PRKN: variants seen among roughly 807,000 people sequenced by gnomAD.
The protein encoded by PRKN is parkin RBR E3 ubiquitin protein ligase.
PRKN carries 56 observed loss-of-function variants against 59.5 expected under a neutral mutation model. That is an observed-to-expected ratio of 0.94 (90% CI 0.76 to 1.18). The LOEUF is 1.18. Among genes scored for constraint, PRKN ranks in the 50% most tolerant of loss-of-function variants. PRKN has a pLI of 0.00. For missense variants in PRKN, 657 were observed against 596.4 expected (o/e 1.10, Z -1.06); for synonymous variants, 250 against 222.1 (o/e 1.13, Z -1.12).
intron 4 of PRKN, among the ~76,000 whole-genome samples, chr6:162,184,060 A>AT (rs1347001234): frequency 6.6e-6 from 1 of 152,046 alleles, no homozygotes; most frequent in African/African-American, 2.4e-5. Context: ...TGACTATTTA[A>AT]TTTTCTTTAA....
intron 6 of PRKN, among the ~76,000 whole-genome samples, chr6:161,942,870 G>A: frequency 6.6e-6 from 1 of 152,294 alleles, no homozygotes; most frequent in East Asian, 1.9e-4. Flanking sequence ...AAAATAGCTG[G>A]AGTATCCAAC....
At chr6:162,297,310 G>C (rs1233002216) in intron 2 of PRKN, among the ~76,000 whole-genome samples, 1 of 151,794 alleles carries the variant, frequency 6.6e-6, no homozygotes, top group Non-Finnish European at 1.5e-5. Flanking sequence ...TTCATCAATG[G>C]CATCCGTTAC....
intron 6 of PRKN, among the ~76,000 whole-genome samples, chr6:161,793,368 C>G (rs1454916293): frequency 2.0e-5 from 3 of 152,094 alleles, no homozygotes; most frequent in Admixed American, 1.3e-4. Context: ...TTTATCCAGT[C>G]CACTCTGCTG....
chr6:161,779,206 C>G (rs1016950240), intron 7 of PRKN, among the ~76,000 whole-genome samples: 2 of 151,932 alleles, frequency 1.3e-5, no homozygotes, highest in Non-Finnish European at 2.9e-5. Flanking sequence ...TCCCAAAGTG[C>G]TGGGATTATA....
At chr6:162,520,229 T>C (rs1225905977) in intron 1 of PRKN, among the ~76,000 whole-genome samples, 1 of 152,232 alleles carries the variant, frequency 6.6e-6, no homozygotes, top group Non-Finnish European at 1.5e-5. Flanking sequence ...TATGGTACAC[T>C]TCACTGGCTA....
intron 9 of PRKN, among the ~76,000 whole-genome samples, chr6:161,406,386 C>T (rs1282529764): frequency 2.6e-5 from 4 of 151,996 alleles, no homozygotes; most frequent in Non-Finnish European, 5.9e-5. Context: ...CTCAAATCCA[C>T]CAAAAACGTA....
chr6:162,072,317 T>G (rs1438202473), intron 4 of PRKN, among the ~76,000 whole-genome samples: 1 of 152,050 alleles, frequency 6.6e-6, no homozygotes, highest in East Asian at 1.9e-4. Flanking sequence ...CAATTAATAC[T>G]GAGACTCTTT....
intron 1 of PRKN, among the ~76,000 whole-genome samples, chr6:162,725,623 C>A (rs1414685455): frequency 6.6e-6 from 1 of 151,960 alleles, no homozygotes; most frequent in East Asian, 1.9e-4. Context: ...AATTGGCAGG[C>A]ATGGTGGCAC....
chr6:162,661,813 C>G (rs1778893579), intron 1 of PRKN, among the ~76,000 whole-genome samples: 1 of 152,092 alleles, frequency 6.6e-6, no homozygotes. Context: ...ATAATTTTTT[C>G]TTTTAAAATT....
intron 2 of PRKN, among the ~76,000 whole-genome samples, chr6:162,304,084 G>A (rs1323055078): frequency 1.4e-5 from 2 of 147,350 alleles, no homozygotes. Flanking sequence ...TGTGAAGGGA[G>A]AAAAAAAAAG....
chr6:162,282,686 G>A lies in PRKN; in HGVS notation c.172-19921C>T, dbSNP rs994072531. Reference sequence around the variant, plus strand: ...AACTCTAGAAGTACACGGAAAAGAAGGCGGTCTATTTTTTAAATAAAATCA... The same window carrying A: ...AACTCTAGAAGTACACGGAAAAGAAAGCGGTCTATTTTTTAAATAAAATCA... On this transcript the variant is annotated intron_variant, in intron 2 of 11. Transcript: ENST00000366898. Among the ~76,000 whole-genome samples, 12 of 152,164 alleles carry A rather than the reference G, an allele frequency of 7.9e-5. No individual in the cohort carries two copies. In the South Asian group the frequency reaches 1.7e-3, roughly 21 times the overall value.
intron 3 of PRKN, among the ~76,000 whole-genome samples, chr6:162,260,109 A>G (rs1249831074): frequency 1.3e-5 from 2 of 152,136 alleles, no homozygotes; most frequent in African/African-American, 4.8e-5. Flanking sequence ...AGTTGCCCCC[A>G]GTGTGTAGTG....
At chr6:162,317,063 T>C (rs189721890) in intron 2 of PRKN, among the ~76,000 whole-genome samples, 2 of 151,796 alleles carry the variant, frequency 1.3e-5, no homozygotes, top group East Asian at 2.1e-4. Context: ...CTTATTCACA[T>C]ATATTCTCTA....
intron 1 of PRKN, chr6:162,569,668 G>T: frequency 1.5e-6 from 1 of 672,404 alleles, no homozygotes. Context: ...TGGTTGTGAA[G>T]AAGATCAAGA....
At chr6:162,713,493 CAAAAA>C (rs373942233) in intron 1 of PRKN, among the ~76,000 whole-genome samples, 6 of 80,882 alleles carry the variant, frequency 7.4e-5, no homozygotes, top group African/African-American at 1.5e-4. Flanking sequence ...GACTCCACCT[CAAAAA>C]AAAAAAAAAA....
chr6:162,576,363 A>C (rs1780554795), intron 1 of PRKN, among the ~76,000 whole-genome samples: 1 of 152,200 alleles, frequency 6.6e-6, no homozygotes, highest in African/African-American at 2.4e-5. Flanking sequence ...TAAACAAGAA[A>C]ATTTCATATT....
intron 4 of PRKN, among the ~76,000 whole-genome samples, chr6:162,125,940 G>A (rs923844844): frequency 5.3e-5 from 8 of 152,234 alleles, no homozygotes; most frequent in South Asian, 2.1e-4. Flanking sequence ...TACGAAGATC[G>A]TCAGATCTAT....
intron 1 of PRKN, among the ~76,000 whole-genome samples, chr6:162,450,882 T>A (rs1056347230): frequency 1.3e-5 from 2 of 152,170 alleles, no homozygotes; most frequent in African/African-American, 4.8e-5. Context: ...TAAGAATGTA[T>A]CAGCATTCTT....
At position 161,461,604 on chromosome 6, in the gene PRKN, C is replaced by T. The variant is rs1790229248; in HGVS notation, c.1084-74727G>A. On this transcript the variant is annotated intron_variant, in intron 9 of 11. Coordinates refer to ENST00000366898, the MANE Select transcript of PRKN (RefSeq NM_004562.3). This position sits in a 1 kb window ranked among gnomAD's most constrained non-coding sequence, Gnocchi z 5.1. Reference sequence around the variant, plus strand: ...CTGGAATCAATCAGTTATCAGTCAGCCACTGGAGATAAAAGGGTCTGGAAT... The same window carrying T: ...CTGGAATCAATCAGTTATCAGTCAGTCACTGGAGATAAAAGGGTCTGGAAT... 6.6e-6 allele frequency among the ~76,000 whole-genome samples: 1 copy of T among 151,994 alleles called. No homozygotes were observed. Among genetic ancestry groups the T allele is most frequent in the South Asian group, 2.1e-4 (1 of 4,818 alleles).
Sources: gnomAD v4.1 joint callset for allele counts (sites outside exome capture counted in the v4.1 genomes callset) on GRCh38, gnomAD v4.1.1 for gene constraint, Gnocchi (gnomAD v3.1) non-coding constraint, MANE v1.5 for transcripts, NCBI Gene and HGNC (gene_info 2026-07-23, HGNC 2026-07-21) for gene names.